SYT1: variants seen among roughly 807,000 people sequenced by gnomAD.
SYT1 encodes synaptotagmin 1.
Under a neutral mutation model 44.8 loss-of-function variants are expected in SYT1, and 8 were observed. The observed-to-expected ratio is 0.18, with a 90% CI of 0.10 to 0.32. The LOEUF is 0.32. Among genes scored for constraint, SYT1 ranks in the 10% least tolerant of loss-of-function variants. SYT1 has a pLI of 1.00. For synonymous variants in SYT1, 154 were observed against 188.8 expected (o/e 0.82, Z 1.51); for missense variants, 286 against 509.3 (o/e 0.56, Z 4.22).
intron 3 of SYT1, among the ~76,000 whole-genome samples, chr12:79,162,930 C>A (rs924416525): frequency 2.0e-5 from 3 of 152,090 alleles, no homozygotes; most frequent in Non-Finnish European, 4.4e-5. Context: ...ATCTACAATT[C>A]ATTATATGTA....
At chr12:78,876,692 CAT>C (rs1472280502) in intron 1 of SYT1, among the ~76,000 whole-genome samples, 1 of 96,554 alleles carries the variant, frequency 1.0e-5, no homozygotes, top group South Asian at 2.6e-4. Flanking sequence ...TATATACACA[CAT>C]GTAGTATATT....
chr12:78,979,024 G>A (rs1310766787), intron 2 of SYT1, among the ~76,000 whole-genome samples: 1 of 152,154 alleles, frequency 6.6e-6, no homozygotes. Flanking sequence ...CTTGCAGTAA[G>A]ATACCACAGT....
intron 2 of SYT1, among the ~76,000 whole-genome samples, chr12:78,981,770 T>C (rs1869281043): frequency 6.6e-6 from 1 of 152,218 alleles, no homozygotes; most frequent in African/African-American, 2.4e-5. Flanking sequence ...GAATACCTAC[T>C]ATGTAGTCAG....
Position 78,878,494 on chromosome 12 carries a change from C to G in SYT1, c.-217+13385C>G, listed in dbSNP as rs1224180193. Among the ~76,000 whole-genome samples, 4 of 151,834 alleles carry G rather than the reference C, an allele frequency of 2.6e-5. No homozygotes were observed. In the East Asian group the frequency reaches 7.8e-4, roughly 30 times the overall value. ...GCACATAAAGCCTTTGGCTTCCCTT[C>G]TAACATTTGTTTACTCTCATAGTGG... is the stretch of plus-strand genomic sequence containing the variant. On this transcript the variant is annotated intron_variant, in intron 1 of 10. Coordinates refer to ENST00000261205, the MANE Select transcript of SYT1 (RefSeq NM_005639.3).
At chr12:79,313,954 G>C (rs1201670007) in intron 8 of SYT1, among the ~76,000 whole-genome samples, 1 of 151,624 alleles carries the variant, frequency 6.6e-6, no homozygotes, top group African/African-American at 2.4e-5. Flanking sequence ...CGGATCACGA[G>C]GTCAGGAGAT....
intron 3 of SYT1, among the ~76,000 whole-genome samples, chr12:79,185,882 C>CATTTTCAAT (rs1423889810): frequency 1.3e-5 from 2 of 151,864 alleles, no homozygotes; most frequent in African/African-American, 4.8e-5. Flanking sequence ...AAATCTTCAA[C>CATTTTCAAT]ATTTTTGGCC....
At chr12:79,131,072 A>G (rs987268831) in intron 3 of SYT1, among the ~76,000 whole-genome samples, 1 of 151,592 alleles carries the variant, frequency 6.6e-6, no homozygotes, top group Non-Finnish European at 1.5e-5. Context: ...CTTTTTTTTA[A>G]TAAAGGAACT....
chr12:78,931,331 GGGAGGGAAGGAAGGAAGGAAGGAAGGAA>G (rs1298462910), intron 1 of SYT1, among the ~76,000 whole-genome samples: 306 of 23,716 alleles, frequency 0.013, 10 homozygotes, highest in Non-Finnish European at 0.013. Context: ...GAGGGAGGGA[GGGAGGGAAGGAAGGAAGGAAGGAAGGAA>G]GGAAGGAAGG....
chr12:78,954,220 G>A (rs1879105009), intron 1 of SYT1, among the ~76,000 whole-genome samples: 1 of 151,946 alleles, frequency 6.6e-6, no homozygotes, highest in African/African-American at 2.4e-5. Flanking sequence ...TTTTCTTTTT[G>A]GTATAGTTTT....
intron 2 of SYT1, among the ~76,000 whole-genome samples, chr12:78,996,261 C>A (rs1870375394): frequency 6.6e-6 from 1 of 152,186 alleles, no homozygotes; most frequent in African/African-American, 2.4e-5. Flanking sequence ...TAATATCCAG[C>A]TGCTCTCAAG....
intron 3 of SYT1, among the ~76,000 whole-genome samples, chr12:79,091,322 G>A (rs1043686092): frequency 1.6e-4 from 24 of 152,110 alleles, no homozygotes; most frequent in Non-Finnish European, 2.9e-5. Flanking sequence ...AGGAAGTGGT[G>A]TTGCAGGGTT....
In SYT1 at chr12:79,217,823, T is replaced by A. The variant is rs1874908959; in HGVS notation, c.166+138T>A. ...TACTATGGGAATGATAGTATCCCAA[T>A]ATAAAATGAAATATTCTTGGAAATG... On this transcript the variant is annotated intron_variant, in intron 4 of 10. Coordinates refer to ENST00000261205, the MANE Select transcript of SYT1 (RefSeq NM_005639.3). 5.1e-6 allele frequency: 3 copies of A among 582,824 alleles called. No homozygotes were observed. In the South Asian group the frequency reaches 1.7e-4, roughly 33 times the overall value. 36.1% of individuals were successfully genotyped at this position (582,824 alleles called of 1,614,324 possible). A position where few individuals can be genotyped will look rare whatever the true frequency, so the allele number is the denominator to read the frequency against.
chr12:79,126,033 T>A (rs1351316854), intron 3 of SYT1, among the ~76,000 whole-genome samples: 1 of 152,206 alleles, frequency 6.6e-6, no homozygotes. Flanking sequence ...CACTACTGTA[T>A]GTCATGGCAG....
intron 2 of SYT1, chr12:79,046,303 A>C (rs1592697237): frequency 6.6e-6 from 1 of 152,322 alleles, no homozygotes; most frequent in African/African-American, 2.4e-5. Flanking sequence ...ATATTTTTGT[A>C]ATTCTGTTGA....
At chr12:79,140,866 T>C (rs566251632) in intron 3 of SYT1, among the ~76,000 whole-genome samples, 23 of 152,224 alleles carry the variant, frequency 1.5e-4, no homozygotes, top group African/African-American at 5.5e-4. Flanking sequence ...TTTGCTTCCC[T>C]CAAAAAAACC....
At chr12:79,283,924 C>T (rs902313798) in intron 4 of SYT1, among the ~76,000 whole-genome samples, 7 of 151,332 alleles carry the variant, frequency 4.6e-5, no homozygotes, top group African/African-American at 1.5e-4. Context: ...AAGTATTCTG[C>T]ACAATGATAC....
chr12:79,156,358 G>A (rs529018770), intron 3 of SYT1, among the ~76,000 whole-genome samples: 1 of 152,224 alleles, frequency 6.6e-6, no homozygotes, highest in African/African-American at 2.4e-5. Context: ...AACCCTTTAA[G>A]GTTGTTTGCC....
intron 3 of SYT1, among the ~76,000 whole-genome samples, chr12:79,192,044 T>TAGCTAATGATACACAA (rs1873161929): frequency 1.3e-5 from 2 of 152,198 alleles, no homozygotes; most frequent in African/African-American, 4.8e-5. Flanking sequence ...ACTTTAGATG[T>TAGCTAATGATACACAA]GTATCATTAG....
intron 1 of SYT1, among the ~76,000 whole-genome samples, chr12:78,888,122 T>C (rs1170189033): frequency 8.6e-5 from 13 of 151,916 alleles, no homozygotes; most frequent in Admixed American, 8.5e-4. Context: ...ACAGATATTA[T>C]AATATTTTTA....
Sources: gnomAD v4.1 joint callset for allele counts (sites outside exome capture counted in the v4.1 genomes callset) on GRCh38, gnomAD v4.1.1 for gene constraint, MANE v1.5 for transcripts, NCBI Gene and HGNC (gene_info 2026-07-23, HGNC 2026-07-21) for gene names.